Variants in GRID1 observed in about 807,000 individuals in gnomAD.
GRID1 encodes glutamate receptor ionotropic, delta-1.
A neutral mutation model predicts 98.0 loss-of-function variants in GRID1; 28 were observed. That is an observed-to-expected ratio of 0.29 (90% confidence interval 0.21 to 0.39). The LOEUF (loss-of-function observed/expected upper bound fraction) is 0.39. Among genes scored for constraint, GRID1 ranks in the 10% least tolerant of loss-of-function variants. The pLI, the probability that GRID1 is intolerant of heterozygous loss-of-function variation, is 1.00. For synonymous variants in GRID1, 553 were observed against 538.5 expected (o/e 1.03, Z -0.37); for missense variants, 1,111 against 1,340.5 (o/e 0.83, Z 2.67).
chr10:85,647,149 C>A, intron 13 of GRID1, 53 bp downstream of exon 13: 4 of 1,469,284 alleles, frequency 2.7e-6, no homozygotes, highest in East Asian at 4.5e-5. Context: ...TGGGGGCTGA[C>A]CACCCCGTGG....
chr10:85,619,762 G>A (rs978650419), intron 14 of GRID1, 105 bp downstream of exon 14: 22 of 849,202 alleles, frequency 2.6e-5, no homozygotes, highest in South Asian at 8.3e-5. Flanking sequence ...AAAATATGAC[G>A]AACAAAGATG....
intron 2 of GRID1, among the ~76,000 whole-genome samples, chr10:86,301,188 G>A (rs73338228): frequency 0.073 from 11,132 of 152,214 alleles, 1,129 homozygotes; most frequent in African/African-American, 0.24. Context: ...CGAGGACCAA[G>A]CCACAGGCCA....
At chr10:85,909,266 C>G (rs1437723357) in intron 5 of GRID1, among the ~76,000 whole-genome samples, 2 of 152,094 alleles carry the variant, frequency 1.3e-5, no homozygotes, top group African/African-American at 2.4e-5. Context: ...ATCAGAGTGA[C>G]TATAATCAAA....
chr10:86,007,300 C>T (rs569235756), intron 4 of GRID1, among the ~76,000 whole-genome samples: 1 of 152,352 alleles, frequency 6.6e-6, no homozygotes, highest in Non-Finnish European at 1.5e-5. Flanking sequence ...TCTCTCCTCC[C>T]ACCCCCCACT....
At chr10:85,797,405 T>G (rs1842534889) in intron 8 of GRID1, among the ~76,000 whole-genome samples, 2 of 151,846 alleles carry the variant, frequency 1.3e-5, no homozygotes, top group African/African-American at 4.8e-5. Context: ...TATTATTTAT[T>G]TCTGTACTTA....
intron 12 of GRID1, among the ~76,000 whole-genome samples, chr10:85,703,487 C>T (rs886856156): frequency 2.0e-5 from 3 of 151,862 alleles, no homozygotes; most frequent in African/African-American, 7.3e-5. Context: ...ACATAGTAAA[C>T]TGGGTCGAAG....
chr10:86,177,537 A>C (rs1845593617), intron 3 of GRID1, among the ~76,000 whole-genome samples: 1 of 152,076 alleles, frequency 6.6e-6, no homozygotes, highest in Non-Finnish European at 1.5e-5. Context: ...GTGTGTGTGC[A>C]TGCATGAGAA....
intron 3 of GRID1, among the ~76,000 whole-genome samples, chr10:86,201,036 T>A (rs1368860203): frequency 6.6e-6 from 1 of 152,214 alleles, no homozygotes; most frequent in African/African-American, 2.4e-5. Context: ...AAATGTGCAC[T>A]GACCCAAGAG....
At chr10:86,282,950 C>T (rs1160046397) in intron 2 of GRID1, among the ~76,000 whole-genome samples, 2 of 152,270 alleles carry the variant, frequency 1.3e-5, no homozygotes, top group South Asian at 2.1e-4. Context: ...AACCTCTCCC[C>T]GGTGGCATAA....
chr10:85,769,927 C>A (rs1470092444), intron 8 of GRID1, among the ~76,000 whole-genome samples: 1 of 152,222 alleles, frequency 6.6e-6, no homozygotes, highest in Admixed American at 6.5e-5. Flanking sequence ...CGGCAGTAAC[C>A]TCTGCAGACT....
intron 3 of GRID1, among the ~76,000 whole-genome samples, chr10:86,149,753 G>T (rs1845136868): frequency 6.6e-6 from 1 of 152,146 alleles, no homozygotes; most frequent in African/African-American, 2.4e-5. Context: ...GATGAAAATG[G>T]GTTTATAAAA....
intron 5 of GRID1, among the ~76,000 whole-genome samples, chr10:85,908,741 T>C (rs1200432025): frequency 6.6e-6 from 1 of 152,036 alleles, no homozygotes; most frequent in Non-Finnish European, 1.5e-5. Flanking sequence ...ATCTTGAAAA[T>C]GAAGAACAAG....
chr10:85,617,344 T>C (rs1010684666), intron 14 of GRID1, among the ~76,000 whole-genome samples: 3 of 151,678 alleles, frequency 2.0e-5, no homozygotes, highest in African/African-American at 7.3e-5. Flanking sequence ...GCAATTTTCA[T>C]GCCTCAGCCT....
chr10:85,699,646 T>G (rs781645861), intron 12 of GRID1, among the ~76,000 whole-genome samples: 5 of 152,218 alleles, frequency 3.3e-5, no homozygotes, highest in Non-Finnish European at 5.9e-5. Flanking sequence ...CAGAGGCTTA[T>G]AGTAAATTTT....
At chr10:86,066,156 A>G (rs899080649) in intron 4 of GRID1, among the ~76,000 whole-genome samples, 1 of 152,098 alleles carries the variant, frequency 6.6e-6, no homozygotes, top group Non-Finnish European at 1.5e-5. Context: ...GGCTGAGTTG[A>G]CTGAAATGTA....
intron 3 of GRID1, among the ~76,000 whole-genome samples, chr10:86,181,273 G>A (rs1028666090): frequency 1.3e-5 from 2 of 152,220 alleles, no homozygotes; most frequent in African/African-American, 4.8e-5. Context: ...TGGCGGTGCA[G>A]GGCTGCATGG....
chr10:85,947,192 G>A (rs905230709), intron 4 of GRID1, among the ~76,000 whole-genome samples: 3 of 152,232 alleles, frequency 2.0e-5, no homozygotes, highest in Non-Finnish European at 2.9e-5. Flanking sequence ...ATTAAGTTCC[G>A]CTGCAGTCAA....
At chr10:85,907,270 C>A (rs2131819286) in intron 5 of GRID1, among the ~76,000 whole-genome samples, 1 of 152,278 alleles carries the variant, frequency 6.6e-6, no homozygotes, top group Middle Eastern at 3.4e-3. Flanking sequence ...TATCACCACA[C>A]CTGGCTAATT....
chr10:85,930,336 T>C (rs184601382), intron 4 of GRID1, among the ~76,000 whole-genome samples: 122 of 147,134 alleles, frequency 8.3e-4, no homozygotes, highest in African/African-American at 1.8e-3. Flanking sequence ...AAATAACTTG[T>C]GGTTATTTAT....
Sources: gnomAD v4.1 joint callset for allele counts (sites outside exome capture counted in the v4.1 genomes callset) on GRCh38, gnomAD v4.1.1 for gene constraint, MANE v1.5 for transcripts, NCBI Gene and HGNC (gene_info 2026-07-23, HGNC 2026-07-21) for gene names.